The following RPTOR variants were observed in gnomAD, a reference collection of about 807,000 sequenced individuals.
RPTOR encodes regulatory-associated protein of mTOR.
RPTOR carries 21 observed loss-of-function variants against 169.9 expected under a neutral mutation model. The observed-to-expected ratio is 0.12, with a 90% confidence interval of 0.09 to 0.18. RPTOR has a LOEUF of 0.18. Among genes scored for constraint, RPTOR ranks in the 10% least tolerant of loss-of-function variants. The pLI is 1.00. For missense variants in RPTOR, 1,133 were observed against 1,855.9 expected, an observed-to-expected ratio of 0.61 and a Z score of 7.16; for synonymous variants, 732 against 753.2, an observed-to-expected ratio of 0.97 and a Z score of 0.46.
At chr17:80,938,470 C>T (rs771114532) in intron 24 of RPTOR, among the ~76,000 whole-genome samples, 9 of 152,204 alleles carry the variant, frequency 5.9e-5, no homozygotes, top group East Asian at 1.9e-4. Flanking sequence ...CTTTCCACCG[C>T]GGGTTTTTTC....
At chr17:80,753,748 C>T (rs62069371) in intron 5 of RPTOR, among the ~76,000 whole-genome samples, 7,999 of 151,646 alleles carry the variant, frequency 0.053, 266 homozygotes, top group Non-Finnish European at 0.079. Context: ...AGAGGAAAAC[C>T]GGGAAGAAAA....
Position 80,883,973 on chromosome 17 carries a change from G to T in RPTOR, c.1842+1G>T. 6.2e-7 allele frequency: 1 copy of T among 1,606,886 alleles called. No homozygotes were observed. ...CCTCCTCTCCGACCCCATTCCCGAG[G>T]TGAGTCAGGCGGGGGCTCAGAGTCC... On this transcript the variant is annotated splice_donor_variant, in intron 16 of 33. Coordinates refer to ENST00000306801, the MANE Select transcript of RPTOR (RefSeq NM_020761.3). LOFTEE classifies it high-confidence loss of function.
intron 21 of RPTOR, among the ~76,000 whole-genome samples, chr17:80,909,157 A>G (rs965184067): frequency 6.6e-6 from 1 of 152,162 alleles, no homozygotes; most frequent in Non-Finnish European, 1.5e-5. Flanking sequence ...TGTCAAGGCA[A>G]TTAGGGGAGG....
At chr17:80,862,169 G>A (rs978636380) in intron 13 of RPTOR, among the ~76,000 whole-genome samples, 2 of 152,066 alleles carry the variant, frequency 1.3e-5, no homozygotes, top group Admixed American at 6.5e-5. Context: ...GCATGCCCTT[G>A]CCTGCAGTGT....
intron 3 of RPTOR, among the ~76,000 whole-genome samples, chr17:80,682,646 A>G (rs995150381): frequency 2.0e-5 from 3 of 152,218 alleles, no homozygotes; most frequent in African/African-American, 7.2e-5. Context: ...CTCCAGAGGG[A>G]GCGTGGCCCT....
chr17:80,956,376 G>A lies in RPTOR; in HGVS notation c.3371-1248G>A, dbSNP rs148348044. On this transcript the variant is annotated intron_variant, in intron 28 of 33. Coordinates refer to ENST00000306801, the MANE Select transcript of RPTOR (RefSeq NM_020761.3). ...TCTGGTTTTAAATACAGGCCGTCAC[G>A]TGAGGTGGGGGTTGCTCTGCTCTGT... is the stretch of plus-strand genomic sequence containing the variant. Among the ~76,000 whole-genome samples, 738 of 152,360 alleles carry A rather than the reference G, an allele frequency of 4.8e-3. 10 individuals carry two copies. Among genetic ancestry groups the A allele is most frequent in the African/African-American group, 0.012 (503 of 41,582 alleles).
chr17:80,855,572 G>C, intron 12 of RPTOR, 25 bp downstream of exon 12: 1 of 1,543,590 alleles, frequency 6.5e-7, no homozygotes, highest in Non-Finnish European at 9.0e-7. Context: ...CATTAACCTG[G>C]GGGCTGAGGG....
At position 80,844,678 on chromosome 17, in the gene RPTOR, T is replaced by C. The variant is rs2067706639; in HGVS notation, c.1213-1795T>C. Among the ~76,000 whole-genome samples, 2 of 152,190 alleles carry C rather than the reference T, an allele frequency of 1.3e-5. No individual in the cohort carries two copies. The highest frequency in any genetic ancestry group is 2.9e-5 in the Non-Finnish European group (2 of 68,020). On this transcript the variant is annotated intron_variant, in intron 10 of 33. Transcript: ENST00000306801. The surrounding 1 kb of genome is among the most constrained non-coding windows in gnomAD (Gnocchi z 4.7). The stretch of plus-strand genomic sequence containing the variant: ...TGGTGAATGTTCTCGGCTGACTTTT[T>C]AAGTCGGGCCACGGGGCTCTGCCCG...
intron 3 of RPTOR, among the ~76,000 whole-genome samples, chr17:80,698,990 C>G (rs12948054): frequency 1.3e-5 from 2 of 152,184 alleles, no homozygotes; most frequent in Non-Finnish European, 2.9e-5. Flanking sequence ...GCATCTGCCT[C>G]GAGCTTATGT....
Position 80,962,513 on chromosome 17 carries a change from G to A in RPTOR, c.3745G>A (p.Val1249Met), listed in dbSNP as rs1434079874. 3 of 1,613,968 alleles carry A rather than the reference G, an allele frequency of 1.9e-6. No homozygotes were observed. The South Asian group carries it at 3.3e-5, about 18-fold the overall frequency. The change falls in exon 32 of 34, where the codon GTG (valine) becomes ATG (methionine). Residue 1249 changes from valine to methionine, a missense_variant. Coordinates refer to ENST00000306801, the MANE Select transcript of RPTOR (RefSeq NM_020761.3). ...TCCCCGGATGCCTGAGTCGGTAAAT[G>A]TGCTTCAGATCGTGAAGGGGCTGAC... is the stretch of plus-strand genomic sequence containing the variant. ...FDPRMPESVN[V>M]LQIVKGLTAL...
At chr17:80,625,855 G>GGT (rs2065390064) in intron 2 of RPTOR, 62 bp downstream of exon 2, 3 of 1,198,512 alleles carry the variant, frequency 2.5e-6, no homozygotes, top group African/African-American at 1.5e-5. Context: ...GCCTGGGCGG[G>GGT]GCTCGCCAAG....
chr17:80,550,557 TTC>T (rs2084332200), intron 1 of RPTOR, among the ~76,000 whole-genome samples: 1 of 152,190 alleles, frequency 6.6e-6, no homozygotes, highest in African/African-American at 2.4e-5. Context: ...GGCCTGAAAT[TTC>T]TGTCTCAGAT....
chr17:80,869,607 A>G (rs2068030315), intron 13 of RPTOR, among the ~76,000 whole-genome samples: 1 of 152,068 alleles, frequency 6.6e-6, no homozygotes, highest in Non-Finnish European at 1.5e-5. Flanking sequence ...AATTGGGAGG[A>G]ATTTGACTCT....
chr17:80,903,259 C>T (rs922001489), intron 20 of RPTOR, among the ~76,000 whole-genome samples: 1 of 152,238 alleles, frequency 6.6e-6, no homozygotes, highest in Non-Finnish European at 1.5e-5. Context: ...GCCGCCTGTG[C>T]TCTCCACACC....
intron 24 of RPTOR, 65 bp from the exon 25 acceptor site, chr17:80,940,431 C>T (rs1896685384): frequency 1.4e-6 from 2 of 1,388,942 alleles, no homozygotes; most frequent in African/African-American, 1.4e-5. Context: ...ACCCATACCC[C>T]ATTGATACCA....
At chr17:80,676,554 C>T (rs1012945823) in intron 3 of RPTOR, among the ~76,000 whole-genome samples, 2 of 152,212 alleles carry the variant, frequency 1.3e-5, no homozygotes, top group African/African-American at 4.8e-5. Context: ...GCACCCAGTG[C>T]CCTGTCTCCG....
At chr17:80,895,308 A>G (rs1294840113) in intron 20 of RPTOR, among the ~76,000 whole-genome samples, 1 of 152,028 alleles carries the variant, frequency 6.6e-6, no homozygotes, top group African/African-American at 2.4e-5. Flanking sequence ...ACCTTCCCAG[A>G]AGCCTCCCCA....
intron 7 of RPTOR, among the ~76,000 whole-genome samples, chr17:80,821,547 C>T (rs1286606565): frequency 2.0e-5 from 3 of 152,128 alleles, no homozygotes; most frequent in African/African-American, 7.2e-5. Flanking sequence ...TGCTGCCTGC[C>T]CCATGCGAAA....
At position 80,803,602 on chromosome 17, in the gene RPTOR, C is replaced by T. The variant is rs2067185826; in HGVS notation, c.890+12093C>T. 1 of 152,224 alleles carries T rather than the reference C, an allele frequency of 6.6e-6. No individual in the cohort carries two copies. The highest frequency in any genetic ancestry group is 2.4e-5 in the African/African-American group (1 of 41,450). 9.4% of individuals were successfully genotyped at this position (152,224 alleles called of 1,614,324 possible). The stretch of plus-strand genomic sequence containing the variant: ...GGGCCTCGGGTTCCAGGCTCGAGCG[C>T]ACTTTTCAGACCCCGCGTGTGTTTC... On this transcript the variant is annotated intron_variant, in intron 7 of 33. Coordinates refer to ENST00000306801, the MANE Select transcript of RPTOR (RefSeq NM_020761.3). The surrounding 1 kb of genome is among the most constrained non-coding windows in gnomAD (Gnocchi z 6.2).
Sources: gnomAD v4.1 joint callset for allele counts (sites outside exome capture counted in the v4.1 genomes callset) on GRCh38, gnomAD v4.1.1 for gene constraint, Gnocchi (gnomAD v3.1) non-coding constraint, MANE v1.5 for transcripts, NCBI Gene and HGNC (gene_info 2026-07-23, HGNC 2026-07-21) for gene names.